COL21A1: variants seen among roughly 807,000 people sequenced by gnomAD.
The protein encoded by COL21A1 is collagen type XXI alpha 1 chain.
Under a neutral mutation model 137.9 loss-of-function variants are expected in COL21A1, and 149 were observed. The observed-to-expected ratio is 1.08, with a 90% CI of 0.95 to 1.24. COL21A1 has a LOEUF of 1.24. Ranked by LOEUF, COL21A1 falls within the 50% of genes most tolerant of loss-of-function variation. COL21A1 has a pLI of 0.00. For missense variants in COL21A1, 1,167 were observed against 1,158.4 expected, an observed-to-expected ratio of 1.01 and a Z score of -0.11; for synonymous variants, 456 against 391.5, an observed-to-expected ratio of 1.16 and a Z score of -1.95.
At chr6:56,120,138 C>T (rs189677316) in intron 16 of COL21A1, among the ~76,000 whole-genome samples, 136 of 152,076 alleles carry the variant, frequency 8.9e-4, no homozygotes, top group African/African-American at 3.3e-3. Flanking sequence ...AAAATATTTG[C>T]GAACTACCCA....
chr6:56,240,421 G>T (rs1381209148), intron 1 of COL21A1, among the ~76,000 whole-genome samples: 1 of 152,092 alleles, frequency 6.6e-6, no homozygotes, highest in Non-Finnish European at 1.5e-5. Flanking sequence ...GAACTGTGAG[G>T]AAATAAATTT....
intron 1 of COL21A1, among the ~76,000 whole-genome samples, chr6:56,258,313 C>T (rs1323908625): frequency 1.3e-5 from 2 of 152,026 alleles, no homozygotes; most frequent in African/African-American, 4.8e-5. Flanking sequence ...AGAGTCTGCC[C>T]TGTGCTCTTT....
rs1561920243 is a variant in COL21A1, at chr6:56,150,552, AC to A, written c.1434+6334del. On this transcript the variant is annotated intron_variant, in intron 10 of 29. Transcript: ENST00000244728. ...CACACACACACACACACACACACAC[AC>A]ACACACACACACAAGAGTGGGGGGA... is the stretch of plus-strand genomic sequence containing the variant. Among the ~76,000 whole-genome samples, 197 of 151,250 alleles carry A rather than the reference AC, an allele frequency of 1.3e-3. 4 individuals are homozygous for A. Among genetic ancestry groups the A allele is most frequent in the African/African-American group, 3.3e-3 (136 of 41,286 alleles).
chr6:56,330,044 T>C (rs1765183267), intron 1 of COL21A1, among the ~76,000 whole-genome samples: 1 of 152,120 alleles, frequency 6.6e-6, no homozygotes, highest in African/African-American at 2.4e-5. Flanking sequence ...ATAACCTCTA[T>C]TAGATCTTAA....
intron 1 of COL21A1, among the ~76,000 whole-genome samples, chr6:56,362,641 A>G (rs904433741): frequency 1.3e-5 from 2 of 151,994 alleles, no homozygotes; most frequent in African/African-American, 4.8e-5. Context: ...TCCACTTACC[A>G]TGAAGACACC....
chr6:56,064,618 T>G lies in COL21A1; in HGVS notation c.2132A>C (p.Gln711Pro). 1.9e-6 allele frequency: 3 copies of G among 1,586,872 alleles called. No homozygotes were observed. Among genetic ancestry groups the G allele is most frequent in the Non-Finnish European group, 2.6e-6 (3 of 1,165,216 alleles). ...TCCCTGTCTTCCATTTTCTCCCTTT[T>G]GACCCTTTAAAATAAAAAAAAACAT... ...GNQGEKGIQG[Q>P]KGENGRQGIP... The change falls in exon 24 of 30, where the codon CAA (glutamine) becomes CCA (proline). Residue 711 changes from glutamine (Q) to proline (P), a missense_variant. Gln to Pro is a moderately conservative substitution (Grantham distance 76, BLOSUM62 -1). Coordinates refer to ENST00000244728, the MANE Select transcript of COL21A1 (RefSeq NM_030820.4).
chr6:56,120,909 G>A (rs1177016919), intron 16 of COL21A1, among the ~76,000 whole-genome samples: 2 of 152,034 alleles, frequency 1.3e-5, no homozygotes, highest in Non-Finnish European at 2.9e-5. Context: ...AGGGATATCT[G>A]CACTTCTGTG....
upstream of COL21A1, among the ~76,000 whole-genome samples, chr6:56,249,345 C>G (rs1782794621): frequency 6.6e-6 from 1 of 152,124 alleles, no homozygotes; most frequent in Non-Finnish European, 1.5e-5. Flanking sequence ...TAACTTATAA[C>G]CTGACAAATT....
intron 1 of COL21A1, among the ~76,000 whole-genome samples, chr6:56,330,252 G>A (rs1444218729): frequency 6.6e-6 from 1 of 151,782 alleles, no homozygotes; most frequent in East Asian, 1.9e-4. Flanking sequence ...TAGATTTTTG[G>A]TATAAACCAA....
At chr6:56,325,058 G>A (rs10755783) in intron 1 of COL21A1, among the ~76,000 whole-genome samples, 1 of 149,674 alleles carries the variant, frequency 6.7e-6, no homozygotes, top group African/African-American at 2.5e-5. Context: ...GTTTCTCCAT[G>A]ACTCTTCATT....
At chr6:56,150,516 A>C (rs6933008) in intron 10 of COL21A1, among the ~76,000 whole-genome samples, 24 of 116,276 alleles carry the variant, frequency 2.1e-4, no homozygotes, top group African/African-American at 8.2e-4. Flanking sequence ...AGACTCCATC[A>C]CACACACACA....
chr6:56,351,485 G>A (rs1367805322), intron 1 of COL21A1, among the ~76,000 whole-genome samples: 1 of 152,146 alleles, frequency 6.6e-6, no homozygotes, highest in African/African-American at 2.4e-5. Context: ...AGTAAATGGG[G>A]GACCTGGGAG....
rs533597839 is a variant in COL21A1, at chr6:56,079,675, T to G, written c.1813-2102A>C. On this transcript the variant is annotated intron_variant, in intron 17 of 29. Coordinates refer to ENST00000244728, the MANE Select transcript of COL21A1 (RefSeq NM_030820.4). ...ACAAATCTTACATTATTTCAATATATCTGCTATTAAGATTATTTGGGGGAG... is the reference window on the plus strand; with the variant it reads ...ACAAATCTTACATTATTTCAATATAGCTGCTATTAAGATTATTTGGGGGAG... Among the ~76,000 whole-genome samples the G allele has an allele frequency of 1.3e-4, 20 of 151,714 alleles. 1 individual carries two copies. Among genetic ancestry groups the G allele is most frequent in the African/African-American group, 4.8e-4 (20 of 41,470 alleles).
At chr6:56,085,521 T>C (rs1768159361) in intron 17 of COL21A1, among the ~76,000 whole-genome samples, 2 of 152,238 alleles carry the variant, frequency 1.3e-5, no homozygotes, top group South Asian at 4.1e-4. Context: ...GCATGTATGG[T>C]CTGAAAAATA....
intron 1 of COL21A1, among the ~76,000 whole-genome samples, chr6:56,388,015 G>C (rs983545530): frequency 1.3e-5 from 2 of 152,124 alleles, no homozygotes; most frequent in Non-Finnish European, 2.9e-5. Flanking sequence ...ACCTCCACTT[G>C]GGGAAAGGAG....
chr6:56,222,411 A>AT (rs917429657), intron 1 of COL21A1, among the ~76,000 whole-genome samples: 24 of 152,116 alleles, frequency 1.6e-4, no homozygotes, highest in African/African-American at 5.3e-4. Flanking sequence ...TGGTGGTTAT[A>AT]TTTTTCAAGT....
At chr6:56,203,012 C>G (rs1779513223) in intron 1 of COL21A1, among the ~76,000 whole-genome samples, 1 of 152,150 alleles carries the variant, frequency 6.6e-6, no homozygotes, top group South Asian at 2.1e-4. Flanking sequence ...CTAAATTCCT[C>G]TTACATTACA....
intron 1 of COL21A1, among the ~76,000 whole-genome samples, chr6:56,280,097 T>C (rs1488385939): frequency 1.3e-5 from 2 of 152,182 alleles, no homozygotes; most frequent in Non-Finnish European, 2.9e-5. Flanking sequence ...AATCCACAAG[T>C]TGTACATCTC....
rs73745442 is a variant in COL21A1 at position 56,289,881 on chromosome 6, G to A, written c.-39+104090C>T. Among the ~76,000 whole-genome samples the A allele has an allele frequency of 3.0e-3, 457 of 152,132 alleles. 4 individuals carry two copies. The highest frequency in any genetic ancestry group is 0.01 in the African/African-American group (427 of 41,522). ...CTGCCTGATGTTTGCAACCAGTTGC[G>A]GTTTTGGTTTTCCTGCCCAGCCCAC... is the stretch of plus-strand genomic sequence containing the variant. On this transcript the variant is annotated intron_variant, in intron 1 of 28. Transcript: ENST00000370819.
Sources: gnomAD v4.1 joint callset for allele counts (sites outside exome capture counted in the v4.1 genomes callset) on GRCh38, gnomAD v4.1.1 for gene constraint, MANE v1.5 for transcripts, NCBI Gene and HGNC (gene_info 2026-07-23, HGNC 2026-07-21) for gene names.